The following MYL4 variants were observed in gnomAD, a reference collection of about 807,000 sequenced individuals.
MYL4 encodes myosin light chain 4, also known as atrial myosin light chain 1.
MYL4 carries 16 observed loss-of-function variants against 21.6 expected under a neutral mutation model. The ratio of observed to expected loss-of-function variants is 0.74; its 90% CI spans 0.50 to 1.12. The LOEUF (loss-of-function observed/expected upper bound fraction) is 1.12. Ranked by LOEUF, MYL4 falls within the 50% of genes most tolerant of loss-of-function variation. The pLI is 0.00. For missense variants in MYL4, 249 were observed against 252.9 expected, an observed-to-expected ratio of 0.98 and a Z score of 0.11; for synonymous variants, 82 against 95.7, an observed-to-expected ratio of 0.86 and a Z score of 0.83.
At chr17:47,215,262 T>C (rs777784798) in intron 2 of MYL4, among the ~76,000 whole-genome samples, 11 of 152,352 alleles carry the variant, frequency 7.2e-5, no homozygotes, top group Middle Eastern at 3.4e-3. Context: ...ACAATGACAC[T>C]AGTGAGGACT....
In MYL4 at chr17:47,219,906, T is replaced by G. The variant is rs775677626; in HGVS notation, c.166T>G (p.Phe56Val). 1.2e-6 allele frequency: 2 copies of G among 1,613,816 alleles called. No homozygotes were observed. Among genetic ancestry groups the G allele is most frequent in the Non-Finnish European group, 1.7e-6 (2 of 1,179,932 alleles). ...ATAGCTGGGTCTTCTCTCCACAGAG[T>G]TCAAAGAGGCCTTTTCATTGTTTGA... ...IDFTADQIEE[F>V]KEAFSLFDRT... The change falls in exon 3 of 7, where the codon TTC (phenylalanine) becomes GTC (valine). Residue 56 changes from phenylalanine (F) to valine (V), a missense_variant and splice_region_variant. Coordinates refer to ENST00000393450, the MANE Select transcript of MYL4 (RefSeq NM_002476.2).
chr17:47,196,958 T>A (rs1315254243), upstream of MYL4, among the ~76,000 whole-genome samples: 1 of 152,040 alleles, frequency 6.6e-6, no homozygotes, highest in Admixed American at 6.6e-5. Context: ...TATATAAATA[T>A]TTTTGAAATA....
chr17:47,214,575 A>T (rs948055460), intron 2 of MYL4, among the ~76,000 whole-genome samples: 3 of 152,240 alleles, frequency 2.0e-5, no homozygotes, highest in African/African-American at 7.2e-5. Flanking sequence ...TTAAAACTTA[A>T]ATGAATATTT....
chr17:47,191,786 G>T, the MYL4 span, among the ~76,000 whole-genome samples: 28 of 151,996 alleles, frequency 1.8e-4, no homozygotes, highest in African/African-American at 6.0e-4. Context: ...ACATTTTTTA[G>T]CAGTCACATG....
At chr17:47,208,341 G>A (rs2064743785), upstream of MYL4, among the ~76,000 whole-genome samples, 1 of 152,128 alleles carries the variant, frequency 6.6e-6, no homozygotes, top group African/African-American at 2.4e-5. Flanking sequence ...GGCTGAGGTG[G>A]GAGAATCGCT....
At chr17:47,216,677 C>T (rs1468863767) in intron 2 of MYL4, among the ~76,000 whole-genome samples, 1 of 151,190 alleles carries the variant, frequency 6.6e-6, no homozygotes. Context: ...AGCATCATGA[C>T]ATCTTTTTTT....
chr17:47,201,512 A>G (rs1269652891), intron 1 of MYL4, among the ~76,000 whole-genome samples: 2 of 151,452 alleles, frequency 1.3e-5, no homozygotes, highest in East Asian at 3.9e-4. Context: ...GCTGCAGTGC[A>G]ATGGCACGAT....
At chr17:47,199,938 G>A (rs1046752562), upstream of MYL4, among the ~76,000 whole-genome samples, 4 of 150,482 alleles carry the variant, frequency 2.7e-5, no homozygotes, top group Admixed American at 6.6e-5. Flanking sequence ...ACAGGGTTTC[G>A]CCATGTTACC....
intron 3 of MYL4, among the ~76,000 whole-genome samples, chr17:47,220,654 C>T (rs906992032): frequency 1.4e-4 from 21 of 152,168 alleles, no homozygotes; most frequent in Non-Finnish European, 2.9e-4. Context: ...TCTTTTGTGG[C>T]TCCTAAGTGT....
chr17:47,203,953 G>GCCA (rs2064718281), intron 1 of MYL4, among the ~76,000 whole-genome samples: 1 of 152,216 alleles, frequency 6.6e-6, no homozygotes, highest in Admixed American at 6.5e-5. Flanking sequence ...ACAGGCATGA[G>GCCA]CCACCGTGTC....
At chr17:47,211,972 C>A (rs575278846) in intron 1 of MYL4, among the ~76,000 whole-genome samples, 1 of 152,292 alleles carries the variant, frequency 6.6e-6, no homozygotes, top group African/African-American at 2.4e-5. Flanking sequence ...CGCCTGTAAT[C>A]TCAGCACTTT....
At chr17:47,226,801 C>T (rs964262775), downstream of MYL4, among the ~76,000 whole-genome samples, 10 of 152,206 alleles carry the variant, frequency 6.6e-5, no homozygotes, top group South Asian at 2.1e-4. Flanking sequence ...GATGCTGCTC[C>T]GGCTCAGCCA....
At chr17:47,223,912 T>C (rs982648216), downstream of MYL4, among the ~76,000 whole-genome samples, 2 of 152,082 alleles carry the variant, frequency 1.3e-5, no homozygotes. Flanking sequence ...TGAGGAGTTG[T>C]CACCTGGAGG....
chr17:47,212,308 A>G (rs1329436872), intron 1 of MYL4, among the ~76,000 whole-genome samples: 1 of 152,220 alleles, frequency 6.6e-6, no homozygotes, highest in Non-Finnish European at 1.5e-5. Context: ...TTAAATTACT[A>G]TGCATTATAT....
chr17:47,191,445 T>C, the MYL4 span, among the ~76,000 whole-genome samples: 1 of 152,186 alleles, frequency 6.6e-6, no homozygotes, highest in Non-Finnish European at 1.5e-5. Flanking sequence ...TCTGGACACG[T>C]CTATTAAAGT....
intron 3 of MYL4, 31 bp downstream of exon 3, chr17:47,220,084 A>G: frequency 6.3e-7 from 1 of 1,582,206 alleles, no homozygotes; most frequent in South Asian, 1.2e-5. Flanking sequence ...GACCTCTCCC[A>G]GGGTCAGGCT....
upstream of MYL4, among the ~76,000 whole-genome samples, chr17:47,197,098 T>TG (rs1820607357): frequency 3.1e-5 from 2 of 64,642 alleles, no homozygotes; most frequent in South Asian, 3.9e-4. Context: ...AAGGGTTTTT[T>TG]TTTTTTTTTT....
At chr17:47,217,323 T>C (rs1259085046) in intron 2 of MYL4, among the ~76,000 whole-genome samples, 1 of 151,826 alleles carries the variant, frequency 6.6e-6, no homozygotes, top group East Asian at 1.9e-4. Context: ...CTGGGGGTGG[T>C]GGCACGCACC....
At chr17:47,207,988 T>C (rs2064740094), upstream of MYL4, among the ~76,000 whole-genome samples, 1 of 152,220 alleles carries the variant, frequency 6.6e-6, no homozygotes, top group Non-Finnish European at 1.5e-5. Context: ...ATATACATTA[T>C]TCAAGCATAG....
Sources: allele counts gnomAD v4.1 joint callset (sites outside exome capture counted in the v4.1 genomes callset), GRCh38; gene constraint gnomAD v4.1.1; transcripts MANE v1.5; gene names NCBI Gene and HGNC (gene_info 2026-07-23, HGNC 2026-07-21).